The following KLHL30 variants were observed in gnomAD, a reference collection of about 807,000 sequenced individuals.
The protein encoded by KLHL30 is kelch-like protein 30.
In KLHL30, 55 loss-of-function variants were observed where a neutral mutation model predicts 55.0. The ratio of observed to expected loss-of-function variants is 1.00; its 90% CI spans 0.80 to 1.25. The LOEUF is 1.25. Ranked by LOEUF, KLHL30 falls within the 50% of genes most tolerant of loss-of-function variation. The pLI is 0.00. For missense variants in KLHL30, 786 were observed against 811.6 expected (o/e 0.97, Z 0.38); for synonymous variants, 356 against 372.6 (o/e 0.96, Z 0.51).
chr2:238,145,914 C>A, intron 5 of KLHL30, 82 bp downstream of exon 5: 1 of 1,416,072 alleles, frequency 7.1e-7, no homozygotes. Context: ...GAGCCCCATG[C>A]TGGCCTCGGA....
chr2:238,145,693 AAAG>A lies in KLHL30; in HGVS notation c.1013_1015del (p.Lys338del), dbSNP rs1692634615. ...TCCCGGCAGGTGGCTCTCGGGGCAC[AAAG>A]ACAGACACCTGGTCAACCACCCAGG... On this transcript the variant is annotated inframe_deletion, in exon 5 of 8. Transcript: ENST00000409223. 1 of 1,581,880 alleles carries A rather than the reference AAAG, an allele frequency of 6.3e-7. No individual in the cohort carries two copies. Among genetic ancestry groups the A allele is most frequent in the South Asian group, 1.2e-5 (1 of 86,236 alleles).
rs1244043539 is a variant in KLHL30, at chr2:238,144,905, G to A, written c.911G>A (p.Arg304Lys). 5 of 1,608,964 alleles carry A rather than the reference G, an allele frequency of 3.1e-6. No individual in the cohort carries two copies. The Admixed American group carries it at 8.4e-5, about 27-fold the overall frequency. Residue 304 changes from arginine to lysine, a missense_variant, in exon 4 of 8, where the codon AGG becomes AAG. Arg to Lys is a conservative substitution (Grantham distance 26). Coordinates refer to ENST00000409223, the MANE Select transcript of KLHL30 (RefSeq NM_198582.4). Reference protein sequence around the residue: ...NFAFYNSKAKRWMALPDFPDY... With the variant: ...NFAFYNSKAKKWMALPDFPDY... ...TCTGCCTCTCTCTTCCTGCCAGAGA[G>A]GTGGATGGCACTTCCAGACTTCCCC...
intron 1 of KLHL30, 22 bp from the exon 2 acceptor site, chr2:238,140,663 A>T (rs968968237): frequency 7.3e-6 from 10 of 1,363,804 alleles, no homozygotes; most frequent in Non-Finnish European, 9.8e-6. Context: ...CACTTGGCTG[A>T]CCCTGCTCTC....
chr2:238,145,694 AAGAC>A lies in KLHL30; in HGVS notation c.1018_1021del (p.Asp340ProfsTer12). The stretch of plus-strand genomic sequence containing the variant: ...CCCGGCAGGTGGCTCTCGGGGCACA[AAGAC>A]AGACACCTGGTCAACCACCCAGGCC... On this transcript the variant is annotated frameshift_variant, in exon 5 of 8. Coordinates refer to ENST00000409223, the MANE Select transcript of KLHL30 (RefSeq NM_198582.4). LOFTEE classifies it high-confidence loss of function. 6.3e-7 allele frequency: 1 copy of A among 1,582,644 alleles called. No individual in the cohort carries two copies. The highest frequency in any genetic ancestry group is 8.6e-7 in the Non-Finnish European group (1 of 1,166,316).
chr2:238,140,366 G>T (rs1445208488), intron 1 of KLHL30, among the ~76,000 whole-genome samples: 1 of 152,216 alleles, frequency 6.6e-6, no homozygotes, highest in African/African-American at 2.4e-5. Context: ...GGTGGGCTCA[G>T]TGTAGCCCAG....
chr2:238,141,737 G>C (rs1692545903), intron 2 of KLHL30, among the ~76,000 whole-genome samples: 1 of 152,254 alleles, frequency 6.6e-6, no homozygotes, highest in African/African-American at 2.4e-5. Context: ...CGCCCTGTGT[G>C]CAAGGGGCAG....
rs553871556 is a variant in KLHL30 at position 238,149,018 on chromosome 2, G to A, written c.1351G>A (p.Val451Met). ...CYNPVTDAWS[V>M]IASPFLPKYL... ...CGTGCCCCCCACAGATGCGTGGAGT[G>A]TGATCGCCTCGCCCTTCCTGCCCAA... Residue 451 changes from valine to methionine, a missense_variant, in exon 7 of 8, where the codon GTG (valine) becomes ATG (methionine). By Grantham distance (21) the Val-to-Met change is conservative. Coordinates refer to ENST00000409223, the MANE Select transcript of KLHL30 (RefSeq NM_198582.4). 1.2e-4 allele frequency: 187 copies of A among 1,602,616 alleles called. No homozygotes were observed. In the East Asian group the frequency reaches 4.1e-3, roughly 35 times the overall value.
chr2:238,152,068 G>C lies in KLHL30; in HGVS notation c.*1003G>C. The C allele has an allele frequency of 1.0e-6, 1 of 985,516 alleles. No homozygotes were observed. The highest frequency in any genetic ancestry group is 1.2e-6 in the Non-Finnish European group (1 of 829,988). 61.0% of individuals were successfully genotyped at this position (985,516 alleles called of 1,614,324 possible). On this transcript the variant is annotated 3_prime_UTR_variant, in exon 8 of 8. Coordinates refer to ENST00000409223, the MANE Select transcript of KLHL30 (RefSeq NM_198582.4). ...AAGGACTCTCCCTGGGTGCCCAATGGCGTGTCCCTCCTGTCACAGGCTCCG... is the reference window on the plus strand; with the variant it reads ...AAGGACTCTCCCTGGGTGCCCAATGCCGTGTCCCTCCTGTCACAGGCTCCG...
Position 238,142,947 on chromosome 2 carries a change from G to C in KLHL30, c.907+16G>C. On this transcript the variant is annotated intron_variant, in intron 3 of 7. Transcript: ENST00000409223. ...AGCAAGGCCAGTGAGTACCCCTCCC[G>C]CGTCCAGACCCACCTGCTGTCTCTC... 6.6e-7 allele frequency: 1 copy of C among 1,504,432 alleles called. No homozygotes were observed. Among genetic ancestry groups the C allele is most frequent in the East Asian group, 2.7e-5 (1 of 36,952 alleles). The allele number at this position is 1,504,432 out of a possible 1,614,324, so 93.2% of individuals were successfully genotyped here.
Position 238,147,803 on chromosome 2 carries a change from G to A in KLHL30, c.1151-31G>A. ...TTCCAGGCCTCCCCTCTCCTCCCCA[G>A]CCCTGAACTGCCCCCGCCCTCACCC... On this transcript the variant is annotated intron_variant, in intron 5 of 7. Transcript: ENST00000409223. This position sits in a 1 kb window ranked among gnomAD's most constrained non-coding sequence, Gnocchi z 5.8. 2 of 1,346,756 alleles carry A rather than the reference G, an allele frequency of 1.5e-6. No individual in the cohort carries two copies. The highest frequency in any genetic ancestry group is 1.7e-5 in the South Asian group (1 of 57,850). The allele number at this position is 1,346,756 out of a possible 1,614,324, so 83.4% of individuals were successfully genotyped here.
Position 238,152,560 on chromosome 2 carries a change from G to A in KLHL30, c.*1495G>A, listed in dbSNP as rs956904183. ...ATTTTTGTATTTTTAGTAGAAACAGGGTTTCACCATGTTGACCAGGCTGGT... is the reference window on the plus strand; with the variant it reads ...ATTTTTGTATTTTTAGTAGAAACAGAGTTTCACCATGTTGACCAGGCTGGT... On this transcript the variant is annotated 3_prime_UTR_variant, in exon 8 of 8. Transcript: ENST00000409223. 1 of 152,050 alleles carries A rather than the reference G, an allele frequency of 6.6e-6. No homozygotes were observed. The highest frequency in any genetic ancestry group is 1.9e-4 in the East Asian group (1 of 5,182). 9.4% of individuals were successfully genotyped at this position (152,050 alleles called of 1,614,324 possible).
Position 238,147,574 on chromosome 2 carries a change from C to G in KLHL30, c.1151-260C>G, listed in dbSNP as rs35755153. Among the ~76,000 whole-genome samples, 142 of 152,258 alleles carry G rather than the reference C, an allele frequency of 9.3e-4. 1 individual carries two copies. The highest frequency in any genetic ancestry group is 3.2e-3 in the African/African-American group (135 of 41,554). On this transcript the variant is annotated intron_variant, in intron 5 of 7. Transcript: ENST00000409223. This position sits in a 1 kb window ranked among gnomAD's most constrained non-coding sequence, Gnocchi z 5.8. ...GCCTCCTGACAGCTCCCCGCCACCCCGTTCCCAAACATCAGCCCCAGCTCG... is the reference window on the plus strand; with the variant it reads ...GCCTCCTGACAGCTCCCCGCCACCCGGTTCCCAAACATCAGCCCCAGCTCG...
chr2:238,142,880 G>A lies in KLHL30; in HGVS notation c.856G>A (p.Glu286Lys), dbSNP rs1692567084. 3 of 1,485,396 alleles carry A rather than the reference G, an allele frequency of 2.0e-6. No individual in the cohort carries two copies. Among genetic ancestry groups the A allele is most frequent in the Non-Finnish European group, 1.8e-6 (2 of 1,127,156 alleles). 92.0% of individuals were successfully genotyped at this position (1,485,396 alleles called of 1,614,324 possible). Residue 286 changes from glutamate (E) to lysine (K), a missense_variant, in exon 3 of 8, where the codon GAG becomes AAG. Transcript: ENST00000409223. ...GGCGCTGGAGGAGGAGGAGGCAGGT[G>A]AGGAGCCCACCCCCGGCCTTGGGAA... ...GQALEEEEAG[E>K]EPTPGLGNFA...
chr2:238,141,358 C>A lies in KLHL30; in HGVS notation c.604C>A (p.Arg202Ser), dbSNP rs370115444. 1.3e-5 allele frequency: 20 copies of A among 1,596,562 alleles called. No homozygotes were observed. Among genetic ancestry groups the A allele is most frequent in the Non-Finnish European group, 1.6e-5 (19 of 1,175,720 alleles). The change falls in exon 2 of 8, where the codon CGC (arginine) becomes AGC (serine). Residue 202 changes from arginine (R) to serine (S), a missense_variant. Arg to Ser is a moderately radical substitution (Grantham distance 110, BLOSUM62 -1). Coordinates refer to ENST00000409223, the MANE Select transcript of KLHL30 (RefSeq NM_198582.4). ...GCAAAGCCGACTCGAGGCCCTGATG[C>A]GCTGGGTGCGCCATGACCCGCAGGC... is the stretch of plus-strand genomic sequence containing the variant. ...PEQSRLEALM[R>S]WVRHDPQARA... is the part of the protein sequence containing the mutation.
Position 238,141,092 on chromosome 2 carries a change from T to C in KLHL30, c.338T>C (p.Leu113Pro), listed in dbSNP as rs1692527504. 2 of 1,608,440 alleles carry C rather than the reference T, an allele frequency of 1.2e-6. No individual in the cohort carries two copies. Among genetic ancestry groups the C allele is most frequent in the South Asian group, 1.1e-5 (1 of 90,948 alleles). ...VEALTRTAAR[L>P]HFPSVQKVCG... ...GCGCTGACACGCACGGCTGCGCGCC[T>C]GCACTTCCCCTCGGTGCAGAAGGTC... The change falls in exon 2 of 8, where the codon CTG becomes CCG. Residue 113 changes from leucine to proline, a missense_variant. Leu to Pro is a moderately conservative substitution (Grantham distance 98). Coordinates refer to ENST00000409223, the MANE Select transcript of KLHL30 (RefSeq NM_198582.4).
chr2:238,138,902 G>C (rs368477532), intron 1 of KLHL30, 144 bp downstream of exon 1: 6 of 152,304 alleles, frequency 3.9e-5, no homozygotes, highest in Non-Finnish European at 8.8e-5. Context: ...CCTTGCCAGC[G>C]GCCAAGCCAG....
At chr2:238,143,291 C>T (rs750934077) in intron 3 of KLHL30, among the ~76,000 whole-genome samples, 10 of 152,212 alleles carry the variant, frequency 6.6e-5, no homozygotes, top group Admixed American at 1.3e-4. Context: ...GTGCACCTGC[C>T]GAGGGAATCG....
chr2:238,147,895 C>T lies in KLHL30; in HGVS notation c.1212C>T (p.Pro404=), dbSNP rs549619998. The change falls in exon 6 of 8, where the codon CCC becomes CCT. Residue 404 remains proline, a synonymous_variant. Transcript: ENST00000409223. The surrounding 1 kb of genome is among the most constrained non-coding windows in gnomAD (Gnocchi z 5.8). ...SYDPYTDSWT[P]VSPALKYVSN... Reference sequence around the variant, plus strand: ...ACCCCTACACGGACAGCTGGACGCCCGTCAGCCCGGCCCTCAAATACGTCA... The same window carrying T: ...ACCCCTACACGGACAGCTGGACGCCTGTCAGCCCGGCCCTCAAATACGTCA... The T allele has an allele frequency of 6.9e-6, 11 of 1,600,056 alleles. No homozygotes were observed. Among genetic ancestry groups the T allele is most frequent in the Admixed American group, 5.1e-5 (3 of 58,626 alleles).
chr2:238,145,863 G>T (rs11674140), intron 5 of KLHL30, 31 bp downstream of exon 5: 1,136,235 of 1,555,704 alleles, frequency 0.73, 416,137 homozygotes, highest in South Asian at 0.83. Context: ...CTTCCCTGGG[G>T]CCTGGTTCTA....
Sources: gnomAD v4.1 joint callset for allele counts (sites outside exome capture counted in the v4.1 genomes callset) on GRCh38, gnomAD v4.1.1 for gene constraint, Gnocchi (gnomAD v3.1) non-coding constraint, MANE v1.5 for transcripts, NCBI Gene and HGNC (gene_info 2026-07-23, HGNC 2026-07-21) for gene names.